The following RBFOX2 variants were observed in gnomAD, a reference collection of about 807,000 sequenced individuals.
RBFOX2 encodes RNA binding protein fox-1 homolog 2.
RBFOX2 carries 10 observed loss-of-function variants against 49.1 expected under a neutral mutation model. The ratio of observed to expected loss-of-function variants is 0.20; its 90% CI spans 0.13 to 0.35. The LOEUF is 0.35. Ranked by LOEUF, RBFOX2 falls within the 10% of genes least tolerant of loss-of-function variation. The probability of loss-of-function intolerance (pLI) is 1.00; values close to 1 mark genes in which losing one functional copy is unlikely to be tolerated. For missense variants in RBFOX2, 323 were observed against 486.9 expected, an observed-to-expected ratio of 0.66 and a Z score of 3.17; for synonymous variants, 183 against 187.4, an observed-to-expected ratio of 0.98 and a Z score of 0.19.
chr22:35,876,244 G>C (rs1327844068), intron 1 of RBFOX2, among the ~76,000 whole-genome samples: 1 of 151,366 alleles, frequency 6.6e-6, no homozygotes, highest in African/African-American at 2.4e-5. Context: ...TATTTTTTTT[G>C]AGATGGAGTC....
intron 1 of RBFOX2, among the ~76,000 whole-genome samples, chr22:35,878,255 G>T (rs1465757555): frequency 6.6e-6 from 1 of 151,930 alleles, no homozygotes; most frequent in Non-Finnish European, 1.5e-5. Context: ...AAAATTAGCC[G>T]AGCATGGTGG....
Position 35,976,959 on chromosome 22 carries a change from G to A in RBFOX2, c.187-38062C>T, listed in dbSNP as rs373931945. ...AGCCTGGGCGACAGACCGAGACTCCGTCTCAAAAAAAAAAAAAAAAGAAAA... is the reference window on the plus strand; with the variant it reads ...AGCCTGGGCGACAGACCGAGACTCCATCTCAAAAAAAAAAAAAAAAGAAAA... On this transcript the variant is annotated intron_variant, in intron 1 of 13. Transcript: ENST00000438146. Among the ~76,000 whole-genome samples, 99 of 139,654 alleles carry A rather than the reference G, an allele frequency of 7.1e-4. No homozygotes were observed. The South Asian group carries it at 0.018, about 26-fold the overall frequency. 91.6% of individuals were successfully genotyped at this position (139,654 alleles called of 152,430 possible). A position where few individuals can be genotyped will look rare whatever the true frequency, so the allele number is the denominator to read the frequency against.
At chr22:35,833,064 A>G (rs997729609) in intron 1 of RBFOX2, among the ~76,000 whole-genome samples, 1 of 152,228 alleles carries the variant, frequency 6.6e-6, no homozygotes, top group Non-Finnish European at 1.5e-5. Flanking sequence ...ATAAATATGT[A>G]TAATTATGCA....
At chr22:35,957,798 T>C (rs2055749770) in intron 1 of RBFOX2, among the ~76,000 whole-genome samples, 1 of 152,178 alleles carries the variant, frequency 6.6e-6, no homozygotes, top group Admixed American at 6.5e-5. Flanking sequence ...TATCTACATC[T>C]GGATCTGAAT....
chr22:35,876,223 T>A (rs952660036), intron 1 of RBFOX2, among the ~76,000 whole-genome samples: 12 of 152,190 alleles, frequency 7.9e-5, no homozygotes, highest in African/African-American at 2.7e-4. Flanking sequence ...GTAGCATTTT[T>A]AAAATTTTTT....
At chr22:35,756,254 T>TATG in intron 9 of RBFOX2, 110 bp from the exon 11 acceptor site, 1 of 912,594 alleles carries the variant, frequency 1.1e-6, no homozygotes, top group Non-Finnish European at 1.5e-6. Context: ...GCAGGTGATG[T>TATG]ATGAATACAT....
At chr22:35,743,332 GGGTGT>G (rs1930864655) in exon 12 of RBFOX2, 1 of 152,146 alleles carries the variant, frequency 6.6e-6, no homozygotes, top group Non-Finnish European at 1.5e-5. Flanking sequence ...CATGAGAGCA[GGGTGT>G]TAATAAAAGA....
chr22:36,000,274 T>G (rs1282728046), intron 1 of RBFOX2: 2 of 152,196 alleles, frequency 1.3e-5, no homozygotes, highest in African/African-American at 2.4e-5. Context: ...GTGCTGGAAT[T>G]ACAAGCATGA....
At chr22:36,028,181 C>T in intron 1 of RBFOX2, 59 bp downstream of exon 1, 2 of 1,399,514 alleles carry the variant, frequency 1.4e-6, no homozygotes, top group South Asian at 1.5e-5. Context: ...CCGGGGAGCC[C>T]GGTGTCGACC....
chr22:35,836,194 C>G (rs1289958570), intron 1 of RBFOX2: 1 of 152,140 alleles, frequency 6.6e-6, no homozygotes, highest in Non-Finnish European at 1.5e-5. Context: ...CTGAGAGGAC[C>G]TCCAGAATTC....
chr22:35,743,186 T>C (rs1930799530), exon 12 of RBFOX2: 2 of 152,316 alleles, frequency 1.3e-5, no homozygotes, highest in Non-Finnish European at 2.9e-5. Context: ...TCTTCTAATA[T>C]TCCTTTTCCC....
chr22:35,855,542 A>T (rs1402358108), intron 1 of RBFOX2, among the ~76,000 whole-genome samples: 2 of 152,014 alleles, frequency 1.3e-5, no homozygotes, highest in Non-Finnish European at 2.9e-5. Context: ...AGTAGATGGA[A>T]CTACAGGCGC....
At chr22:35,960,091 G>A (rs1197074465) in intron 1 of RBFOX2, among the ~76,000 whole-genome samples, 1 of 152,140 alleles carries the variant, frequency 6.6e-6, no homozygotes, top group East Asian at 1.9e-4. Context: ...GATACAATAC[G>A]CCAACTGTAC....
intron 1 of RBFOX2, among the ~76,000 whole-genome samples, chr22:35,938,611 C>A (rs2053364546): frequency 6.6e-6 from 1 of 152,168 alleles, no homozygotes; most frequent in Non-Finnish European, 1.5e-5. Context: ...CAAAACCAAT[C>A]ATGACTGTGC....
At chr22:35,819,466 T>C (rs1044491414) in intron 1 of RBFOX2, among the ~76,000 whole-genome samples, 1 of 152,172 alleles carries the variant, frequency 6.6e-6, no homozygotes, top group African/African-American at 2.4e-5. Context: ...TAATGAACTC[T>C]CCAAGCACCT....
At chr22:35,874,930 G>T (rs145102320) in intron 1 of RBFOX2, among the ~76,000 whole-genome samples, 2 of 152,198 alleles carry the variant, frequency 1.3e-5, no homozygotes, top group Non-Finnish European at 2.9e-5. Flanking sequence ...TGTTAAGTAA[G>T]GTGGGGGTGA....
intron 1 of RBFOX2, among the ~76,000 whole-genome samples, chr22:35,988,497 C>T (rs797007133): frequency 1.3e-5 from 2 of 152,078 alleles, no homozygotes; most frequent in South Asian, 4.1e-4. Context: ...GAGTTCCTAA[C>T]CCTATCTTAG....
At chr22:35,852,527 T>C (rs997356478) in intron 1 of RBFOX2, among the ~76,000 whole-genome samples, 2 of 151,856 alleles carry the variant, frequency 1.3e-5, no homozygotes, top group African/African-American at 4.8e-5. Flanking sequence ...CAATAAAACC[T>C]TATGCTAAAT....
intron 9 of RBFOX2, 133 bp from the exon 12 acceptor site, chr22:35,746,694 G>C (rs1455862689): frequency 2.3e-6 from 1 of 443,640 alleles, no homozygotes; most frequent in Non-Finnish European, 4.0e-6. Context: ...ACACACATGG[G>C]AAGAAAATGT....
Sources: gnomAD v4.1 joint callset for allele counts (sites outside exome capture counted in the v4.1 genomes callset) on GRCh38, gnomAD v4.1.1 for gene constraint, MANE v1.5 for transcripts, NCBI Gene and HGNC (gene_info 2026-07-23, HGNC 2026-07-21) for gene names.